Variants in FRMD4A observed in about 807,000 individuals in gnomAD.
FRMD4A encodes FERM domain-containing protein 4A.
In FRMD4A, 29 loss-of-function variants were observed where a neutral mutation model predicts 129.1. The ratio of observed to expected loss-of-function variants is 0.22; its 90% CI spans 0.17 to 0.31. The LOEUF is 0.31. FRMD4A is among the 10% of genes least tolerant of loss of function. The pLI, the probability that FRMD4A is intolerant of heterozygous loss-of-function variation, is 1.00. For missense variants in FRMD4A, 1,272 were observed against 1,375.8 expected, an observed-to-expected ratio of 0.92 and a Z score of 1.19; for synonymous variants, 634 against 571.6, an observed-to-expected ratio of 1.11 and a Z score of -1.56.
At chr10:13,835,902 G>T (rs78117230) in intron 3 of FRMD4A, among the ~76,000 whole-genome samples, 16,541 of 152,184 alleles carry the variant, frequency 0.11, 1,004 homozygotes, top group Middle Eastern at 0.2. Context: ...GTGCCAAAAA[G>T]GTTGGGGACC....
intron 4 of FRMD4A, among the ~76,000 whole-genome samples, chr10:13,803,299 G>A (rs1335112284): frequency 1.3e-5 from 2 of 152,144 alleles, no homozygotes; most frequent in Non-Finnish European, 2.9e-5. Context: ...TCTCCACTAT[G>A]TTTTAGTAAG....
chr10:13,663,744 GTGTT>G (rs1409330370), intron 18 of FRMD4A, among the ~76,000 whole-genome samples: 1 of 152,172 alleles, frequency 6.6e-6, no homozygotes, highest in African/African-American at 2.4e-5. Flanking sequence ...TAGCCTTTGT[GTGTT>G]TGTGCCCCGG....
intron 2 of FRMD4A, among the ~76,000 whole-genome samples, chr10:14,178,892 A>G (rs1479228903): frequency 2.0e-5 from 3 of 152,214 alleles, no homozygotes; most frequent in East Asian, 3.8e-4. Flanking sequence ...AGGAATTTCT[A>G]CTTTGTGGTA....
intron 2 of FRMD4A, among the ~76,000 whole-genome samples, chr10:14,181,538 G>T (rs909385933): frequency 6.6e-6 from 1 of 152,154 alleles, no homozygotes; most frequent in Admixed American, 6.5e-5. Context: ...TTTACCTCCC[G>T]CTTTTGTTGG....
intron 3 of FRMD4A, among the ~76,000 whole-genome samples, chr10:13,826,168 T>C (rs761418005): frequency 6.6e-6 from 1 of 152,206 alleles, no homozygotes; most frequent in Admixed American, 6.5e-5. Flanking sequence ...TAAATGAGGG[T>C]TCCCCCTTTC....
intron 2 of FRMD4A, among the ~76,000 whole-genome samples, chr10:14,020,272 T>C (rs549500529): frequency 6.6e-6 from 1 of 152,262 alleles, no homozygotes; most frequent in South Asian, 2.1e-4. Context: ...GACAACTAAT[T>C]ATGAAACACC....
At position 14,155,442 on chromosome 10, in the gene FRMD4A, G is replaced by A. The variant is rs550389036; in HGVS notation, c.45+174616C>T. ...ATAATGAGTAATCCCCAGGGAAGCC[G>A]GGCCTCAAAAGAAAGGAATTAAAAC... On this transcript the variant is annotated intron_variant, in intron 2 of 24. Transcript: ENST00000357447. Among the ~76,000 whole-genome samples, 14 of 152,200 alleles carry A rather than the reference G, an allele frequency of 9.2e-5. No homozygotes were observed. In the East Asian group the frequency reaches 1.2e-3, roughly 13 times the overall value.
intron 13 of FRMD4A, among the ~76,000 whole-genome samples, chr10:13,702,024 G>C (rs1284699675): frequency 6.6e-6 from 1 of 152,142 alleles, no homozygotes; most frequent in Non-Finnish European, 1.5e-5. Flanking sequence ...GGAGAAGAAA[G>C]GCAGAGAGAA....
At chr10:14,184,048 G>C (rs1230587306) in intron 2 of FRMD4A, among the ~76,000 whole-genome samples, 1 of 151,784 alleles carries the variant, frequency 6.6e-6, no homozygotes, top group Non-Finnish European at 1.5e-5. Context: ...TTTGGAGAAA[G>C]GAGTTGGACC....
intron 2 of FRMD4A, among the ~76,000 whole-genome samples, chr10:13,975,359 TG>T (rs2095538439): frequency 6.6e-6 from 1 of 151,948 alleles, no homozygotes; most frequent in Admixed American, 6.6e-5. Flanking sequence ...TCTGTGTCTG[TG>T]TGTATGTGTG....
intron 2 of FRMD4A, among the ~76,000 whole-genome samples, chr10:14,164,791 T>A (rs1841088994): frequency 6.6e-6 from 1 of 152,208 alleles, no homozygotes; most frequent in Non-Finnish European, 1.5e-5. Context: ...CAGGTCAAGT[T>A]TGTCCAACCT....
At chr10:13,872,461 G>C (rs2094448486) in intron 2 of FRMD4A, among the ~76,000 whole-genome samples, 1 of 152,242 alleles carries the variant, frequency 6.6e-6, no homozygotes, top group Non-Finnish European at 1.5e-5. Context: ...GCAGATGTAA[G>C]AAATACAGGA....
At chr10:14,135,841 T>G (rs1839505969) in intron 2 of FRMD4A, among the ~76,000 whole-genome samples, 1 of 152,362 alleles carries the variant, frequency 6.6e-6, no homozygotes, top group East Asian at 1.9e-4. Flanking sequence ...AACATTGGAC[T>G]GAATACAATG....
At chr10:13,862,667 G>C (rs1564930332) in intron 2 of FRMD4A, among the ~76,000 whole-genome samples, 1 of 152,214 alleles carries the variant, frequency 6.6e-6, no homozygotes, top group Non-Finnish European at 1.5e-5. Context: ...ACTCACCTTT[G>C]AATCATCATG....
chr10:14,094,316 C>A (rs1392753446), intron 2 of FRMD4A, among the ~76,000 whole-genome samples: 1 of 152,184 alleles, frequency 6.6e-6, no homozygotes, highest in Non-Finnish European at 1.5e-5. Context: ...TGTGCAGGAG[C>A]CCCAGTCAAC....
intron 2 of FRMD4A, among the ~76,000 whole-genome samples, chr10:13,946,669 C>T (rs1463228615): frequency 4.6e-5 from 7 of 152,144 alleles, no homozygotes; most frequent in Admixed American, 2.6e-4. Context: ...TTCTTTTACT[C>T]GCCTTCTCCT....
At chr10:13,912,458 G>C (rs537433078) in intron 2 of FRMD4A, among the ~76,000 whole-genome samples, 1 of 150,998 alleles carries the variant, frequency 6.6e-6, no homozygotes, top group Admixed American at 6.6e-5. Flanking sequence ...AAAGCAGGAA[G>C]AAACTAAATG....
chr10:13,700,653 G>A (rs982336850), intron 14 of FRMD4A, among the ~76,000 whole-genome samples: 1 of 151,956 alleles, frequency 6.6e-6, no homozygotes, highest in Admixed American at 6.6e-5. Context: ...AGGAAGAGGG[G>A]GCAGAGTGTT....
intron 2 of FRMD4A, among the ~76,000 whole-genome samples, chr10:14,084,982 G>C (rs1274828303): frequency 6.6e-6 from 1 of 152,078 alleles, no homozygotes; most frequent in Non-Finnish European, 1.5e-5. Flanking sequence ...TTTTTCAATG[G>C]TAATGATCCC....
Sources: gnomAD v4.1 joint callset for allele counts (sites outside exome capture counted in the v4.1 genomes callset) on GRCh38, gnomAD v4.1.1 for gene constraint, MANE v1.5 for transcripts, NCBI Gene and HGNC (gene_info 2026-07-23, HGNC 2026-07-21) for gene names.